MCPH1: variants seen among roughly 807,000 people sequenced by gnomAD.
The protein encoded by MCPH1 is microcephalin.
MCPH1 carries 104 observed loss-of-function variants against 84.5 expected under a neutral mutation model. The observed-to-expected ratio is 1.23, with a 90% CI of 1.05 to 1.45. The LOEUF is 1.45. Ranked by LOEUF, MCPH1 falls within the 40% of genes most tolerant of loss-of-function variation. The pLI is 0.00. For synonymous variants in MCPH1, 514 were observed against 366.8 expected (o/e 1.40, Z -4.58); for missense variants, 1,498 against 1,005.7 (o/e 1.49, Z -6.62).
chr8:6,601,469 T>G (rs1829353475), intron 12 of MCPH1, among the ~76,000 whole-genome samples: 1 of 151,914 alleles, frequency 6.6e-6, no homozygotes, highest in African/African-American at 2.4e-5. Flanking sequence ...GCCGGACGTC[T>G]GTGGCGATCT....
At position 6,646,479 on chromosome 8, in the gene MCPH1, C is replaced by A. The variant is rs1798220774; in HGVS notation, c.*3430C>A. On this transcript the variant is annotated 3_prime_UTR_variant, in exon 14 of 14. Coordinates refer to ENST00000344683, the MANE Select transcript of MCPH1 (RefSeq NM_024596.5). ...ATATTTATGGCTGATTGACTTTGAA[C>A]AAAGGTGACGAGGCAAGTCAGTATA... is the stretch of plus-strand genomic sequence containing the variant. The A allele has an allele frequency of 6.6e-6, 1 of 152,078 alleles. No homozygotes were observed. 9.4% of individuals were successfully genotyped at this position (152,078 alleles called of 1,614,324 possible).
At chr8:6,425,617 C>G (rs958032084) in intron 3 of MCPH1, among the ~76,000 whole-genome samples, 1 of 152,218 alleles carries the variant, frequency 6.6e-6, no homozygotes, top group Non-Finnish European at 1.5e-5. Context: ...CCCAAAGGAA[C>G]AGAACACATC....
chr8:6,637,876 G>C (rs1035714492), intron 13 of MCPH1, among the ~76,000 whole-genome samples: 1 of 152,126 alleles, frequency 6.6e-6, no homozygotes, highest in Non-Finnish European at 1.5e-5. Context: ...TTGTGAAGTT[G>C]TCATATTTTA....
Position 6,575,083 on chromosome 8 carries a change from G to T in MCPH1, c.2215-46371G>T, listed in dbSNP as rs535955088. 3.3e-5 allele frequency among the ~76,000 whole-genome samples: 5 copies of T among 152,282 alleles called. 1 individual carries two copies. In the South Asian group the frequency reaches 1.0e-3, roughly 32 times the overall value. On this transcript the variant is annotated intron_variant, in intron 12 of 13. Transcript: ENST00000344683. ...AGCTAGCAGAGAGGCAATGCATGCAGCTTGCACACATTCAGTTTAAATTGG... is the reference window on the plus strand; with the variant it reads ...AGCTAGCAGAGAGGCAATGCATGCATCTTGCACACATTCAGTTTAAATTGG...
chr8:6,637,778 T>C (rs183021802), intron 13 of MCPH1, among the ~76,000 whole-genome samples: 99 of 152,314 alleles, frequency 6.5e-4, no homozygotes, highest in Non-Finnish European at 1.2e-3. Flanking sequence ...GTTTTTTTAA[T>C]GGAAGCAGAG....
At chr8:6,426,914 T>C (rs943816982) in intron 3 of MCPH1, among the ~76,000 whole-genome samples, 1 of 152,198 alleles carries the variant, frequency 6.6e-6, no homozygotes. Context: ...GTTTTAAATA[T>C]ACAGTCAGGT....
intron 11 of MCPH1, chr8:6,494,100 C>A (rs1242837623): frequency 1.3e-5 from 2 of 152,122 alleles, no homozygotes; most frequent in Non-Finnish European, 2.9e-5. Flanking sequence ...GCCACCACAC[C>A]TGGCTAATTT....
intron 11 of MCPH1, among the ~76,000 whole-genome samples, chr8:6,490,143 C>G (rs115685848): frequency 4.3e-4 from 65 of 152,226 alleles, no homozygotes; most frequent in African/African-American, 1.5e-3. Flanking sequence ...AGCACAAATT[C>G]CAAGCTTTGA....
chr8:6,447,584 C>T (rs1054044215), intron 8 of MCPH1, among the ~76,000 whole-genome samples: 1 of 152,176 alleles, frequency 6.6e-6, no homozygotes, highest in African/African-American at 2.4e-5. Context: ...TAGTCTCGCA[C>T]TTGACGCCCA....
At chr8:6,572,000 C>T (rs1238002980) in intron 12 of MCPH1, among the ~76,000 whole-genome samples, 1 of 152,112 alleles carries the variant, frequency 6.6e-6, no homozygotes, top group Non-Finnish European at 1.5e-5. Flanking sequence ...CTTAAAAACG[C>T]TATTTCAAGC....
At chr8:6,482,982 T>C (rs1442010018) in intron 11 of MCPH1, among the ~76,000 whole-genome samples, 2 of 152,166 alleles carry the variant, frequency 1.3e-5, no homozygotes, top group Non-Finnish European at 2.9e-5. Flanking sequence ...AATAGAGTTA[T>C]CTCTATTTAT....
chr8:6,461,206 CT>C (rs902661273), intron 9 of MCPH1, among the ~76,000 whole-genome samples: 16 of 149,578 alleles, frequency 1.1e-4, no homozygotes, highest in Non-Finnish European at 1.3e-4. Flanking sequence ...CTTCCATTAG[CT>C]TTTTTTTTGG....
chr8:6,496,174 A>G (rs1394566299), intron 11 of MCPH1, among the ~76,000 whole-genome samples: 2 of 152,224 alleles, frequency 1.3e-5, no homozygotes, highest in East Asian at 1.9e-4. Context: ...AGACAGTCCC[A>G]TCGGGGGGTG....
At chr8:6,447,154 G>C (rs774734171) in intron 8 of MCPH1, 19 of 985,316 alleles carry the variant, frequency 1.9e-5, no homozygotes, top group African/African-American at 5.2e-5. Flanking sequence ...ATGTTGGCTA[G>C]CCTAAATCGA....
chr8:6,495,032 G>C (rs933666992), intron 11 of MCPH1, among the ~76,000 whole-genome samples: 4 of 152,166 alleles, frequency 2.6e-5, no homozygotes, highest in Admixed American at 2.0e-4. Context: ...TATGAGATGT[G>C]TTGGAAATAC....
intron 12 of MCPH1, chr8:6,521,071 A>G: frequency 1.4e-6 from 1 of 740,014 alleles, no homozygotes; most frequent in South Asian, 1.9e-5. Context: ...CATATGAAAT[A>G]TATGAGAAAT....
At chr8:6,491,410 T>C (rs1810570220) in intron 11 of MCPH1, among the ~76,000 whole-genome samples, 1 of 151,292 alleles carries the variant, frequency 6.6e-6, no homozygotes, top group South Asian at 2.1e-4. Flanking sequence ...TAAAGATTAT[T>C]ATTAGGACAG....
intron 12 of MCPH1, among the ~76,000 whole-genome samples, chr8:6,614,478 C>T (rs1373166632): frequency 6.6e-6 from 1 of 152,244 alleles, no homozygotes; most frequent in Non-Finnish European, 1.5e-5. Flanking sequence ...TTTCTCGCCC[C>T]CTCTTGTCCC....
chr8:6,470,635 T>G (rs1033892746), intron 9 of MCPH1, among the ~76,000 whole-genome samples: 1 of 152,236 alleles, frequency 6.6e-6, no homozygotes, highest in African/African-American at 2.4e-5. Context: ...GCTTTATGCT[T>G]TTGCTGCCTC....
Sources: gnomAD v4.1 joint callset for allele counts (sites outside exome capture counted in the v4.1 genomes callset) on GRCh38, gnomAD v4.1.1 for gene constraint, MANE v1.5 for transcripts, NCBI Gene and HGNC (gene_info 2026-07-23, HGNC 2026-07-21) for gene names.